The following SPATS2L variants were observed in gnomAD, a reference collection of about 807,000 sequenced individuals.
SPATS2L encodes SPATS2-like protein.
A neutral mutation model predicts 59.6 loss-of-function variants in SPATS2L; 30 were observed. The ratio of observed to expected loss-of-function variants is 0.50; its 90% CI spans 0.38 to 0.68. The LOEUF is 0.68. SPATS2L is among the 30% of genes least tolerant of loss of function. The probability of loss-of-function intolerance (pLI) is 0.00; values close to 1 mark genes in which losing one functional copy is unlikely to be tolerated. For missense variants in SPATS2L, 615 were observed against 700.0 expected (o/e 0.88, Z 1.37); for synonymous variants, 252 against 263.5 (o/e 0.96, Z 0.42).
At chr2:200,411,784 A>G (rs1001738044) in intron 3 of SPATS2L, among the ~76,000 whole-genome samples, 1 of 152,228 alleles carries the variant, frequency 6.6e-6, no homozygotes, top group Non-Finnish European at 1.5e-5. Context: ...TAAGATTACC[A>G]TTTCAAAAAT....
At chr2:200,415,534 A>C (rs999142926) in intron 4 of SPATS2L, among the ~76,000 whole-genome samples, 7 of 152,158 alleles carry the variant, frequency 4.6e-5, no homozygotes, top group African/African-American at 1.7e-4. Flanking sequence ...TGATATCCTC[A>C]TTACCAATAA....
intron 2 of SPATS2L, among the ~76,000 whole-genome samples, chr2:200,372,519 T>A (rs564630166): frequency 6.6e-6 from 1 of 152,106 alleles, no homozygotes; most frequent in Non-Finnish European, 1.5e-5. Context: ...TGAGAAAATG[T>A]TGTTCCTCCC....
At position 200,472,966 on chromosome 2, in the gene SPATS2L, G is replaced by C. The variant is rs776163384; in HGVS notation, c.1195G>C (p.Glu399Gln). 3.7e-6 allele frequency: 6 copies of C among 1,613,568 alleles called. No individual in the cohort carries two copies. Among genetic ancestry groups the C allele is most frequent in the African/African-American group, 1.3e-5 (1 of 74,810 alleles). The change falls in exon 12 of 13, where the codon GAA becomes CAA. Residue 399 changes from glutamate to glutamine, a missense_variant. Transcript: ENST00000409140. Reference protein sequence around the residue: ...RKSSTHNKPSEGKAANPKMVS... With the variant: ...RKSSTHNKPSQGKAANPKMVS... Reference sequence around the variant, plus strand: ...ATCATCCACTCACAATAAGCCCTCTGAAGGCAAAGCGGCAAACCCCAAAAT... The same window carrying C: ...ATCATCCACTCACAATAAGCCCTCTCAAGGCAAAGCGGCAAACCCCAAAAT...
At chr2:200,429,865 C>G (rs2083804856) in intron 6 of SPATS2L, among the ~76,000 whole-genome samples, 1 of 152,082 alleles carries the variant, frequency 6.6e-6, no homozygotes, top group Non-Finnish European at 1.5e-5. Context: ...TGATAACTGG[C>G]ACACAATGCT....
intron 1 of SPATS2L, among the ~76,000 whole-genome samples, chr2:200,318,661 C>T (rs188477138): frequency 5.3e-5 from 8 of 152,226 alleles, no homozygotes; most frequent in Admixed American, 2.6e-4. Flanking sequence ...TTTACATTTT[C>T]CCCTCATTTA....
At chr2:200,383,810 T>C in intron 2 of SPATS2L, 3 of 894,550 alleles carry the variant, frequency 3.4e-6, no homozygotes, top group Non-Finnish European at 2.7e-6. Context: ...GAAAATTTTG[T>C]TAAAATCATT....
intron 6 of SPATS2L, among the ~76,000 whole-genome samples, chr2:200,425,811 A>T (rs1403407686): frequency 1.3e-5 from 2 of 152,184 alleles, no homozygotes. Context: ...ATAAACCAGA[A>T]TACAACTGAG....
intron 8 of SPATS2L, among the ~76,000 whole-genome samples, chr2:200,458,440 T>C (rs1259300264): frequency 1.3e-5 from 2 of 152,166 alleles, no homozygotes; most frequent in Non-Finnish European, 1.5e-5. Context: ...AATACACTTA[T>C]CAAGTGTTCC....
chr2:200,416,625 A>C (rs1043916683), intron 5 of SPATS2L, among the ~76,000 whole-genome samples, 197 bp downstream of exon 5: 1 of 152,144 alleles, frequency 6.6e-6, no homozygotes, highest in Non-Finnish European at 1.5e-5. Flanking sequence ...CTTATTTTCT[A>C]CTCAGTGTTT....
chr2:200,417,984 T>C (rs1179028319), intron 5 of SPATS2L, among the ~76,000 whole-genome samples: 1 of 152,120 alleles, frequency 6.6e-6, no homozygotes, highest in African/African-American at 2.4e-5. Context: ...GTCAAACATA[T>C]AACATAATTA....
intron 2 of SPATS2L, among the ~76,000 whole-genome samples, chr2:200,370,747 C>G (rs940302965): frequency 6.6e-6 from 1 of 152,170 alleles, no homozygotes; most frequent in Non-Finnish European, 1.5e-5. Context: ...TTAATTTCCT[C>G]AAGGTCACAC....
chr2:200,363,004 A>G (rs1402078566), intron 2 of SPATS2L, among the ~76,000 whole-genome samples: 4 of 152,188 alleles, frequency 2.6e-5, no homozygotes, highest in Non-Finnish European at 5.9e-5. Flanking sequence ...GGTTCAGTAT[A>G]AAACCAAGAT....
chr2:200,392,282 G>C (rs939716435), intron 3 of SPATS2L, among the ~76,000 whole-genome samples: 2 of 152,130 alleles, frequency 1.3e-5, no homozygotes, highest in Admixed American at 1.3e-4. Flanking sequence ...ATCACCAGTG[G>C]CCAATGATGT....
chr2:200,411,712 A>ATTTACT (rs60021019), intron 3 of SPATS2L, among the ~76,000 whole-genome samples: 3,949 of 152,306 alleles, frequency 0.026, 167 homozygotes, highest in African/African-American at 0.09. Flanking sequence ...GGATATATGT[A>ATTTACT]TTTACTATTT....
intron 6 of SPATS2L, among the ~76,000 whole-genome samples, chr2:200,422,044 A>G (rs2083326755): frequency 6.6e-6 from 1 of 152,244 alleles, no homozygotes; most frequent in South Asian, 2.1e-4. Context: ...TTGAAAGTTA[A>G]GTACCCACCA....
intron 3 of SPATS2L, 22 bp from the exon 4 acceptor site, chr2:200,412,288 CT>C (rs748739547): frequency 0.19 from 175,499 of 937,380 alleles, 23 homozygotes; most frequent in East Asian, 0.22. Flanking sequence ...ATTTCTATTT[CT>C]TTTTTTTTTT....
chr2:200,449,906 G>A (rs2085322916), intron 8 of SPATS2L, among the ~76,000 whole-genome samples: 1 of 152,110 alleles, frequency 6.6e-6, no homozygotes, highest in Non-Finnish European at 1.5e-5. Flanking sequence ...ATATAGAAAG[G>A]CTGTACGTGA....
At chr2:200,391,197 A>C (rs1293867634) in intron 3 of SPATS2L, among the ~76,000 whole-genome samples, 4 of 152,198 alleles carry the variant, frequency 2.6e-5, no homozygotes, top group Admixed American at 2.0e-4. Flanking sequence ...GTAGAGCAGC[A>C]GTACCCGTGA....
chr2:200,318,332 G>A (rs933003959), intron 1 of SPATS2L, among the ~76,000 whole-genome samples: 1 of 152,130 alleles, frequency 6.6e-6, no homozygotes, highest in Non-Finnish European at 1.5e-5. Context: ...CAGTGACTTG[G>A]TCAGCTCTTG....
Sources: gnomAD v4.1 joint callset for allele counts (sites outside exome capture counted in the v4.1 genomes callset) on GRCh38, gnomAD v4.1.1 for gene constraint, MANE v1.5 for transcripts, NCBI Gene and HGNC (gene_info 2026-07-23, HGNC 2026-07-21) for gene names.